Variants in ABHD12 observed in about 807,000 individuals in gnomAD.
ABHD12 encodes the protein abhydrolase domain containing 12, lysophospholipase.
ABHD12 carries 43 observed loss-of-function variants against 58.3 expected under a neutral mutation model. That is an observed-to-expected ratio of 0.74 (90% CI 0.58 to 0.95). ABHD12 has a LOEUF of 0.95. ABHD12 is among the 40% of genes least tolerant of loss of function. The probability of loss-of-function intolerance (pLI) is 0.00; values close to 1 mark genes in which losing one functional copy is unlikely to be tolerated. For missense variants in ABHD12, 539 were observed against 537.2 expected, an observed-to-expected ratio of 1.00 and a Z score of -0.03; for synonymous variants, 219 against 211.2, an observed-to-expected ratio of 1.04 and a Z score of -0.32.
chr20:25,362,732 T>A, intron 1 of ABHD12, among the ~76,000 whole-genome samples: 1 of 150,570 alleles, frequency 6.6e-6, no homozygotes, highest in East Asian at 2.0e-4. Flanking sequence ...TAGAGTGCAA[T>A]GGCGCGATCT....
chr20:25,303,765 A>G (rs887188148), intron 10 of ABHD12, 137 bp from the exon 11 acceptor site: 31 of 1,247,250 alleles, frequency 2.5e-5, no homozygotes, highest in Non-Finnish European at 3.2e-5. Flanking sequence ...TTTTTACTAG[A>G]CAACTGAAAG....
intron 6 of ABHD12, among the ~76,000 whole-genome samples, chr20:25,312,860 G>A (rs547626976): frequency 2.2e-4 from 32 of 146,226 alleles, no homozygotes; most frequent in African/African-American, 8.0e-4. Flanking sequence ...GAGCGTCTCC[G>A]CCCGGCAGCC....
chr20:25,336,999 C>T (rs1488013558), intron 2 of ABHD12, among the ~76,000 whole-genome samples: 5 of 152,202 alleles, frequency 3.3e-5, no homozygotes, highest in South Asian at 2.1e-4. Flanking sequence ...CAATGGCTCA[C>T]GCCTGTAATC....
In ABHD12 at chr20:25,317,068, G is replaced by T; in HGVS notation, c.553C>A (p.His185Asn). The change falls in exon 5 of 13, where the codon CAC (histidine) becomes AAC (asparagine). Residue 185 changes from histidine to asparagine, a missense_variant. By Grantham distance (68) the His-to-Asn change is moderately conservative. Coordinates refer to ENST00000339157, the MANE Select transcript of ABHD12 (RefSeq NM_001042472.3). Reference protein sequence around the residue: ...HGNAGTRGGDHRVELYKVLSS... With the variant: ...HGNAGTRGGDNRVELYKVLSS... ...CTCACCTTGTAAAGCTCCACGCGGTGGTCGCCTCCTCTGGAGAAGAAAACA... is the reference window on the plus strand; with the variant it reads ...CTCACCTTGTAAAGCTCCACGCGGTTGTCGCCTCCTCTGGAGAAGAAAACA... 2 of 1,612,528 alleles carry T rather than the reference G, an allele frequency of 1.2e-6. No homozygotes were observed. Among genetic ancestry groups the T allele is most frequent in the Non-Finnish European group, 1.7e-6 (2 of 1,179,274 alleles).
At chr20:25,298,031 CT>C (rs2088577552), downstream of ABHD12, 1 of 39,038 alleles carries the variant, frequency 2.6e-5, no homozygotes, top group Non-Finnish European at 5.5e-5. Context: ...CTGTGTTTCA[CT>C]AACTAACTAA....
intron 1 of ABHD12, among the ~76,000 whole-genome samples, chr20:25,386,542 G>C (rs1391458480): frequency 6.6e-6 from 1 of 151,678 alleles, no homozygotes; most frequent in Non-Finnish European, 1.5e-5. Context: ...TTACAGGCGT[G>C]AGCCACCGAG....
chr20:25,390,533 T>G lies in ABHD12; in HGVS notation c.171A>C (p.Gly57=). The change falls in exon 1 of 13, where the codon GGA becomes GGC. Residue 57 remains glycine (G), a synonymous_variant. Transcript: ENST00000339157. The part of the protein sequence containing the change: ...AAEPRCAADA[G]MKRALGRRKG... Reference sequence around the variant, plus strand: ...CTCACCTGCCCAGCGCCCGCTTCATTCCCGCGTCGGCTGCGCAGCGCGGCT... The same window carrying G: ...CTCACCTGCCCAGCGCCCGCTTCATGCCCGCGTCGGCTGCGCAGCGCGGCT... 2 of 1,364,360 alleles carry G rather than the reference T, an allele frequency of 1.5e-6. No individual in the cohort carries two copies. The highest frequency in any genetic ancestry group is 7.4e-5 in the East Asian group (1 of 13,426). The allele number at this position is 1,364,360 out of a possible 1,614,324, so 84.5% of individuals were successfully genotyped here.
At position 25,320,185 on chromosome 20, in the gene ABHD12, CT is replaced by C. The variant is rs2089039966; in HGVS notation, c.542+13del. ...CATGCTCCACAGCAAAGATGATGGG[CT>C]CCTCTCCCTCACCTGGTACCTGCGT... is the stretch of plus-strand genomic sequence containing the variant. On this transcript the variant is annotated intron_variant, in intron 4 of 12. Coordinates refer to ENST00000339157, the MANE Select transcript of ABHD12 (RefSeq NM_001042472.3). 1.2e-6 allele frequency: 2 copies of C among 1,613,612 alleles called. No homozygotes were observed. Among genetic ancestry groups the C allele is most frequent in the Non-Finnish European group, 1.7e-6 (2 of 1,179,956 alleles).
At chr20:25,309,002 G>A (rs907825762) in intron 7 of ABHD12, among the ~76,000 whole-genome samples, 1 of 152,242 alleles carries the variant, frequency 6.6e-6, no homozygotes, top group African/African-American at 2.4e-5. Context: ...AAAGGGAATG[G>A]CAGTGAAGGT....
intron 2 of ABHD12, among the ~76,000 whole-genome samples, chr20:25,335,628 T>C: frequency 7.0e-6 from 1 of 142,234 alleles, no homozygotes; most frequent in Non-Finnish European, 1.5e-5. Flanking sequence ...TATGCAGCCA[T>C]AAAAAATGAT....
chr20:25,342,437 C>A (rs2089467039), intron 1 of ABHD12, among the ~76,000 whole-genome samples: 1 of 150,598 alleles, frequency 6.6e-6, no homozygotes, highest in Admixed American at 6.7e-5. Flanking sequence ...CACTTTACTG[C>A]ACTTTGCAGA....
intron 1 of ABHD12, among the ~76,000 whole-genome samples, chr20:25,343,602 C>T (rs559205903): frequency 2.0e-5 from 3 of 152,242 alleles, no homozygotes; most frequent in Admixed American, 2.0e-4. Context: ...GTCAGGAGTT[C>T]AAGACCACCT....
In ABHD12 at chr20:25,317,051, G is replaced by A; in HGVS notation, c.570C>T (p.Tyr190=). 1 of 1,613,058 alleles carries A rather than the reference G, an allele frequency of 6.2e-7. No individual in the cohort carries two copies. Among genetic ancestry groups the A allele is most frequent in the Non-Finnish European group, 8.5e-7 (1 of 1,179,644 alleles). Residue 190 remains tyrosine, a synonymous_variant, in exon 5 of 13, where the codon TAC becomes TAT. Transcript: ENST00000339157. The part of the protein sequence containing the change: ...TRGGDHRVEL[Y]KVLSSLGYHV... The stretch of plus-strand genomic sequence containing the variant: ...TGTGGGTGCTGCCTGCACTCACCTT[G>A]TAAAGCTCCACGCGGTGGTCGCCTC...
intron 1 of ABHD12, among the ~76,000 whole-genome samples, chr20:25,372,374 A>T (rs2089909768): frequency 6.6e-6 from 1 of 152,154 alleles, no homozygotes; most frequent in Admixed American, 6.5e-5. Context: ...TTTCGTAAAG[A>T]TGGAGTCTAT....
At chr20:25,301,797 A>G (rs2259956) in intron 12 of ABHD12, among the ~76,000 whole-genome samples, 68,489 of 152,192 alleles carry the variant, frequency 0.45, 16,032 homozygotes, top group East Asian at 0.92. Flanking sequence ...CTGCCAGTGC[A>G]GGGCAGTCAG....
chr20:25,308,159 C>G, intron 8 of ABHD12, 114 bp from the exon 9 acceptor site: 1 of 821,682 alleles, frequency 1.2e-6, no homozygotes, highest in Non-Finnish European at 2.1e-6. Context: ...CGCCTCCCAC[C>G]AGGCAACCAC....
At chr20:25,314,392 T>C (rs912568102) in intron 6 of ABHD12, among the ~76,000 whole-genome samples, 1 of 152,182 alleles carries the variant, frequency 6.6e-6, no homozygotes, top group Non-Finnish European at 1.5e-5. Context: ...TTTAAAATGC[T>C]GCAGGTTGGG....
chr20:25,345,912 A>T (rs553489490), intron 1 of ABHD12, among the ~76,000 whole-genome samples: 3 of 152,314 alleles, frequency 2.0e-5, no homozygotes, highest in African/African-American at 7.2e-5. Context: ...TTCTTACTAT[A>T]TGATCCAGCA....
intron 10 of ABHD12, among the ~76,000 whole-genome samples, chr20:25,305,604 G>A (rs2088722165): frequency 6.6e-6 from 1 of 151,070 alleles, no homozygotes; most frequent in Middle Eastern, 3.2e-3. Flanking sequence ...CATGTGATCT[G>A]CCCACCTCAA....
Sources: allele counts gnomAD v4.1 joint callset (sites outside exome capture counted in the v4.1 genomes callset), GRCh38; gene constraint gnomAD v4.1.1; transcripts MANE v1.5; gene names NCBI Gene and HGNC (gene_info 2026-07-23, HGNC 2026-07-21).